Variants in C3orf49 observed in about 807,000 individuals in gnomAD.
C3orf49 encodes the protein chromosome 3 open reading frame 49.
C3orf49 carries 27 observed loss-of-function variants against 13.3 expected under a neutral mutation model. That is an observed-to-expected ratio of 2.02 (90% CI 1.49 to 2.79). The LOEUF (loss-of-function observed/expected upper bound fraction) is 2.79. C3orf49 is among the 30% of genes most tolerant of loss of function. The pLI, the probability that C3orf49 is intolerant of heterozygous loss-of-function variation, is 0.00. For synonymous variants in C3orf49, 87 were observed against 47.6 expected, an observed-to-expected ratio of 1.83 and a Z score of -3.40; for missense variants, 242 against 134.2, an observed-to-expected ratio of 1.80 and a Z score of -3.97.
At chr3:63,827,459 AT>A in intron 2 of C3orf49, 141 bp from the exon 3 acceptor site, 1 of 560,630 alleles carries the variant, frequency 1.8e-6, no homozygotes, top group South Asian at 2.6e-5. Flanking sequence ...GAGCAAATCA[AT>A]TTTTTATTCT....
chr3:63,815,856 T>A (rs1701318561), upstream of C3orf49, among the ~76,000 whole-genome samples: 1 of 150,172 alleles, frequency 6.7e-6, no homozygotes, highest in Non-Finnish European at 1.5e-5. Context: ...ATCCTCTGCC[T>A]CCTGGGTTCA....
At chr3:63,832,743 T>C (rs1174793160) in intron 5 of C3orf49, 2 of 152,174 alleles carry the variant, frequency 1.3e-5, no homozygotes, top group East Asian at 3.8e-4. Flanking sequence ...TTACTAATAA[T>C]GGAAAATAAA....
intron 4 of C3orf49, 71 bp downstream of exon 4, chr3:63,831,294 C>A: frequency 1.5e-6 from 1 of 663,690 alleles, no homozygotes; most frequent in Admixed American, 2.5e-5. Context: ...AAACGCACAG[C>A]CCTGCTAGAC....
chr3:63,813,659 G>A, the C3orf49 span, among the ~76,000 whole-genome samples: 1 of 152,194 alleles, frequency 6.6e-6, no homozygotes, highest in African/African-American at 2.4e-5. Flanking sequence ...CCCTTGGTAA[G>A]GAGTCTTCCC....
intron 5 of C3orf49, chr3:63,839,916 A>T (rs1701723281): frequency 6.4e-6 from 4 of 626,294 alleles, no homozygotes; most frequent in Non-Finnish European, 8.1e-6. Context: ...TACACTTAAA[A>T]ATGGCTAGCT....
the C3orf49 span, among the ~76,000 whole-genome samples, chr3:63,785,190 G>C: frequency 6.8e-6 from 1 of 146,538 alleles, no homozygotes; most frequent in Non-Finnish European, 1.5e-5. Flanking sequence ...TCCTGCCTCA[G>C]CCTCCCGAGT....
the C3orf49 span, among the ~76,000 whole-genome samples, chr3:63,809,456 C>T: frequency 6.6e-6 from 1 of 152,180 alleles, no homozygotes; most frequent in Non-Finnish European, 1.5e-5. Flanking sequence ...TCAGTAAGCA[C>T]ATCTTACGTG....
At chr3:63,806,592 G>A in the C3orf49 span, among the ~76,000 whole-genome samples, 2 of 152,148 alleles carry the variant, frequency 1.3e-5, no homozygotes, top group Admixed American at 6.5e-5. Flanking sequence ...ATCCCTGCTC[G>A]TGTCTCTGGC....
At chr3:63,815,771 C>CTTTTTTTTTTTTTTTTTT (rs1227837780), upstream of C3orf49, among the ~76,000 whole-genome samples, 2 of 136,576 alleles carry the variant, frequency 1.5e-5, no homozygotes, top group African/African-American at 2.8e-5. Context: ...TCTTTTCTTT[C>CTTTTTTTTTTTTTTTTTT]TTTTTTTTTT....
At chr3:63,823,696 C>G (rs933123870) in intron 2 of C3orf49, 127 bp downstream of exon 2, 5 of 607,450 alleles carry the variant, frequency 8.2e-6, no homozygotes, top group Non-Finnish European at 1.2e-5. Context: ...ATCTCAGGCC[C>G]TACCTGGGAC....
rs189021725 is a variant in C3orf49, at chr3:63,825,141, A to G, written c.445+1572A>G. On this transcript the variant is annotated intron_variant, in intron 2 of 6. Transcript: ENST00000295896. The stretch of plus-strand genomic sequence containing the variant: ...TACTCTGTCATAACATACATCCACC[A>G]TACATCCACCATAATTTCACTGCTC... Among the ~76,000 whole-genome samples the G allele has an allele frequency of 2.4e-4, 36 of 152,270 alleles. 1 individual carries two copies. Among genetic ancestry groups the G allele is most frequent in the Admixed American group, 2.0e-3 (31 of 15,284 alleles).
At chr3:63,820,259 A>C (rs1701376434) in intron 1 of C3orf49, among the ~76,000 whole-genome samples, 1 of 152,238 alleles carries the variant, frequency 6.6e-6, no homozygotes, top group East Asian at 1.9e-4. Flanking sequence ...GAAGCATCAA[A>C]GACCAAGCTT....
chr3:63,834,049 T>C (rs1484452887), intron 5 of C3orf49: 6 of 1,374,144 alleles, frequency 4.4e-6, no homozygotes, highest in Non-Finnish European at 4.0e-6. Context: ...ACTTTAAATA[T>C]CTCAAGAGCA....
chr3:63,839,787 G>C, intron 5 of C3orf49: 1 of 1,607,324 alleles, frequency 6.2e-7, no homozygotes, highest in Non-Finnish European at 8.5e-7. Context: ...CAGGAAAGAA[G>C]GGCAATGTTA....
the C3orf49 span, among the ~76,000 whole-genome samples, chr3:63,780,816 A>G: frequency 6.6e-6 from 1 of 152,078 alleles, no homozygotes; most frequent in Non-Finnish European, 1.5e-5. Flanking sequence ...CATGTCCTTC[A>G]CCCACTTGTT....
chr3:63,830,850 C>T (rs1452484044), intron 3 of C3orf49, among the ~76,000 whole-genome samples: 1 of 152,120 alleles, frequency 6.6e-6, no homozygotes, highest in Admixed American at 6.5e-5. Context: ...CTGCTTTTTT[C>T]CTGATGCTGT....
chr3:63,840,186 C>T (rs949789136), intron 5 of C3orf49, among the ~76,000 whole-genome samples: 7 of 151,910 alleles, frequency 4.6e-5, no homozygotes, highest in African/African-American at 1.7e-4. Flanking sequence ...CCTGCCCAGA[C>T]AGACAGAACT....
At chr3:63,835,357 A>C (rs562345461) in intron 5 of C3orf49, 1 of 1,613,576 alleles carries the variant, frequency 6.2e-7, no homozygotes, top group South Asian at 1.1e-5. Context: ...TGTGTGAAAG[A>C]TGCTCTAATT....
the C3orf49 span, among the ~76,000 whole-genome samples, chr3:63,812,000 A>G: frequency 7.9e-5 from 12 of 152,184 alleles, no homozygotes; most frequent in African/African-American, 2.9e-4. Context: ...GCTGGTGTAG[A>G]GCACTGGGAG....
Sources: allele counts gnomAD v4.1 joint callset (sites outside exome capture counted in the v4.1 genomes callset), GRCh38; gene constraint gnomAD v4.1.1; transcripts MANE v1.5; gene names NCBI Gene and HGNC (gene_info 2026-07-23, HGNC 2026-07-21).